The following SLC27A2 variants were observed in gnomAD, a reference collection of about 807,000 sequenced individuals.
SLC27A2 encodes solute carrier family 27 member 2.
SLC27A2 carries 54 observed loss-of-function variants against 60.0 expected under a neutral mutation model. That is an observed-to-expected ratio of 0.90 (90% CI 0.72 to 1.13). SLC27A2 has a LOEUF of 1.13. Among genes scored for constraint, SLC27A2 ranks in the 50% most tolerant of loss-of-function variants. SLC27A2 has a pLI of 0.00. For synonymous variants in SLC27A2, 297 were observed against 297.6 expected, an observed-to-expected ratio of 1.00 and a Z score of 0.02; for missense variants, 739 against 777.6, an observed-to-expected ratio of 0.95 and a Z score of 0.59.
intron 5 of SLC27A2, 54 bp downstream of exon 5, chr15:50,223,213 C>T (rs1250579685): frequency 1.5e-6 from 2 of 1,357,822 alleles, no homozygotes; most frequent in East Asian, 2.4e-5. Context: ...AATACAGAGA[C>T]TTCTTAAAAG....
Position 50,236,203 on chromosome 15 carries a change from G to A in SLC27A2, c.*107G>A, listed in dbSNP as rs1049715487. 9.2e-6 allele frequency: 9 copies of A among 978,632 alleles called. No individual in the cohort carries two copies. The African/African-American group carries it at 9.9e-5, about 11-fold the overall frequency. 60.6% of individuals were successfully genotyped at this position (978,632 alleles called of 1,614,324 possible). ...TGAAGATTGTGAGGAAATTTTGTAGGAAATTTGCATACCCGTAAAGGGAGA... is the reference window on the plus strand; with the variant it reads ...TGAAGATTGTGAGGAAATTTTGTAGAAAATTTGCATACCCGTAAAGGGAGA... On this transcript the variant is annotated 3_prime_UTR_variant, in exon 10 of 10. Transcript: ENST00000267842.
intron 4 of SLC27A2, among the ~76,000 whole-genome samples, chr15:50,209,736 C>G (rs62020320): frequency 0.12 from 18,906 of 152,096 alleles, 1,275 homozygotes; most frequent in South Asian, 0.25. Context: ...ACAGGTGGAG[C>G]CTTGTCCAGG....
intron 4 of SLC27A2, among the ~76,000 whole-genome samples, chr15:50,213,520 A>G (rs1480032761): frequency 6.6e-6 from 1 of 152,202 alleles, no homozygotes; most frequent in Non-Finnish European, 1.5e-5. Flanking sequence ...TCAACAGCGC[A>G]TAACTTTCTA....
intron 9 of SLC27A2, among the ~76,000 whole-genome samples, chr15:50,234,260 A>G (rs762490474): frequency 1.7e-4 from 26 of 152,160 alleles, no homozygotes; most frequent in Non-Finnish European, 3.4e-4. Context: ...AGCCTAGGCA[A>G]CGTAGTGAGA....
intron 1 of SLC27A2, among the ~76,000 whole-genome samples, chr15:50,185,704 A>G (rs2044915862): frequency 1.5e-5 from 2 of 134,476 alleles, no homozygotes; most frequent in African/African-American, 2.9e-5. Flanking sequence ...ATCTCGGCTC[A>G]CTGCAAGCTC....
intron 4 of SLC27A2, among the ~76,000 whole-genome samples, chr15:50,207,587 C>T (rs574037382): frequency 1.6e-4 from 25 of 151,920 alleles, no homozygotes; most frequent in Middle Eastern, 6.8e-3. Context: ...GTCAGGAGTT[C>T]AAGACCAGCC....
At position 50,205,984 on chromosome 15, in the gene SLC27A2, A is replaced by G. The variant is rs559065054; in HGVS notation, c.972+621A>G. Among the ~76,000 whole-genome samples the G allele has an allele frequency of 7.2e-5, 11 of 152,196 alleles. No homozygotes were observed. In the East Asian group the frequency reaches 1.5e-3, roughly 21 times the overall value. Reference sequence around the variant, plus strand: ...GAACAGATGCCCCAGGGCATCTCCAATGGCCTTGGATCTGCCCTGTTTGCA... The same window carrying G: ...GAACAGATGCCCCAGGGCATCTCCAGTGGCCTTGGATCTGCCCTGTTTGCA... On this transcript the variant is annotated intron_variant, in intron 4 of 9. Transcript: ENST00000267842.
At chr15:50,230,245 A>T (rs1297551403) in intron 8 of SLC27A2, among the ~76,000 whole-genome samples, 1 of 148,860 alleles carries the variant, frequency 6.7e-6, no homozygotes, top group East Asian at 2.0e-4. Context: ...CCAAAAAAAA[A>T]AAAAAAAAAA....
intron 1 of SLC27A2, among the ~76,000 whole-genome samples, chr15:50,196,053 C>CAAAAAAAAAAAAAAT (rs1567428267): frequency 1.1e-3 from 2 of 1,818 alleles, no homozygotes; most frequent in Non-Finnish European, 2.9e-3. Flanking sequence ...GACTCTGTCT[C>CAAAAAAAAAAAAAAT]AAAAAAAAAA....
At chr15:50,208,327 C>T (rs2045129070) in intron 4 of SLC27A2, among the ~76,000 whole-genome samples, 2 of 152,174 alleles carry the variant, frequency 1.3e-5, no homozygotes, top group Admixed American at 6.5e-5. Flanking sequence ...AGATTTGGCC[C>T]CAGGTACTTA....
intron 8 of SLC27A2, among the ~76,000 whole-genome samples, chr15:50,232,817 AG>A (rs2045324732): frequency 6.6e-6 from 1 of 152,156 alleles, no homozygotes; most frequent in African/African-American, 2.4e-5. Flanking sequence ...AAACCAAATG[AG>A]GGGGCATCTT....
At chr15:50,189,770 A>T (rs544675901) in intron 1 of SLC27A2, among the ~76,000 whole-genome samples, 1 of 152,332 alleles carries the variant, frequency 6.6e-6, no homozygotes, top group Non-Finnish European at 1.5e-5. Context: ...AGCCTCTGAG[A>T]AAAGGGAAGT....
At chr15:50,196,352 G>T (rs964226023) in intron 1 of SLC27A2, among the ~76,000 whole-genome samples, 1 of 151,504 alleles carries the variant, frequency 6.6e-6, no homozygotes, top group African/African-American at 2.4e-5. Context: ...AAAATGAACA[G>T]CCCTGTTCAT....
At chr15:50,211,750 G>A (rs529778325) in intron 4 of SLC27A2, among the ~76,000 whole-genome samples, 1 of 152,114 alleles carries the variant, frequency 6.6e-6, no homozygotes, top group Admixed American at 6.6e-5. Flanking sequence ...AGTGAAAGGA[G>A]AAATATTCAA....
chr15:50,217,500 G>A (rs978104408), intron 4 of SLC27A2, among the ~76,000 whole-genome samples: 1 of 152,128 alleles, frequency 6.6e-6, no homozygotes, highest in Non-Finnish European at 1.5e-5. Flanking sequence ...GCCAGGTTAT[G>A]CTTGCAGGCA....
At chr15:50,189,381 G>C (rs1305121427) in intron 1 of SLC27A2, among the ~76,000 whole-genome samples, 2 of 152,170 alleles carry the variant, frequency 1.3e-5, no homozygotes, top group Non-Finnish European at 2.9e-5. Flanking sequence ...GGATGGGCTG[G>C]AAAGGACCTG....
intron 4 of SLC27A2, among the ~76,000 whole-genome samples, chr15:50,205,879 A>G (rs889202585): frequency 2.6e-5 from 4 of 152,154 alleles, no homozygotes; most frequent in African/African-American, 9.7e-5. Flanking sequence ...GGCATACAGG[A>G]AACTTTTACT....
chr15:50,216,029 C>T (rs1156353522), intron 4 of SLC27A2, among the ~76,000 whole-genome samples: 1 of 152,156 alleles, frequency 6.6e-6, no homozygotes, highest in African/African-American at 2.4e-5. Context: ...ACAGACAACC[C>T]ACGGAGTGGG....
chr15:50,233,073 C>G (rs1034236705), intron 8 of SLC27A2, among the ~76,000 whole-genome samples: 2 of 152,154 alleles, frequency 1.3e-5, no homozygotes, highest in African/African-American at 4.8e-5. Context: ...GGAAACTTCT[C>G]TGGGCTAAAT....
Sources: gnomAD v4.1 joint callset for allele counts (sites outside exome capture counted in the v4.1 genomes callset) on GRCh38, gnomAD v4.1.1 for gene constraint, MANE v1.5 for transcripts, NCBI Gene and HGNC (gene_info 2026-07-23, HGNC 2026-07-21) for gene names.